The following CUL2 variants were observed in gnomAD, a reference collection of about 807,000 sequenced individuals.
The protein encoded by CUL2 is cullin-2.
Under a neutral mutation model 110.2 loss-of-function variants are expected in CUL2, and 22 were observed. The observed-to-expected ratio is 0.20, with a 90% CI of 0.14 to 0.28. CUL2 has a LOEUF of 0.28. Among genes scored for constraint, CUL2 ranks in the 10% least tolerant of loss-of-function variants. The pLI, the probability that CUL2 is intolerant of heterozygous loss-of-function variation, is 1.00. For synonymous variants in CUL2, 279 were observed against 293.2 expected (o/e 0.95, Z 0.49); for missense variants, 631 against 905.5 (o/e 0.70, Z 3.89).
chr10:35,071,436 G>C (rs2134989034), intron 1 of CUL2, 97 bp from the exon 2 acceptor site: 2 of 1,065,012 alleles, frequency 1.9e-6, no homozygotes, highest in African/African-American at 3.2e-5. Context: ...ACGGAGTCTC[G>C]CTCTGTCGCC....
In CUL2 at chr10:35,031,292, T is replaced by TA. The variant is rs772629706; in HGVS notation, c.1386+7dup. ...CTAGGACAATACCACATTAAAGACT[T>TA]ACATTACCTTTAATTTGTTGATCAT... On this transcript the variant is annotated splice_region_variant and intron_variant, in intron 14 of 20. Coordinates refer to ENST00000374749, the MANE Select transcript of CUL2 (RefSeq NM_003591.4). The surrounding 1 kb of genome is among the most constrained non-coding windows in gnomAD (Gnocchi z 4.4). The TA allele has an allele frequency of 1.3e-6, 2 of 1,543,628 alleles. No homozygotes were observed. The highest frequency in any genetic ancestry group is 4.5e-5 in the East Asian group (2 of 44,376).
intron 4 of CUL2, among the ~76,000 whole-genome samples, chr10:35,058,541 TGATAAGTGTC>T (rs1283868153): frequency 6.6e-6 from 1 of 152,230 alleles, no homozygotes; most frequent in Admixed American, 6.5e-5. Context: ...AGCATCCACC[TGATAAGTGTC>T]GATTCTTAGC....
intron 11 of CUL2, among the ~76,000 whole-genome samples, chr10:35,032,939 A>C (rs1407003844): frequency 2.6e-5 from 4 of 152,346 alleles, no homozygotes; most frequent in Admixed American, 2.6e-4. Context: ...TATCAGATTA[A>C]AAATTCCCCT....
intron 8 of CUL2, 54 bp downstream of exon 8, chr10:35,044,512 A>C: frequency 3.4e-6 from 4 of 1,165,108 alleles, no homozygotes; most frequent in Non-Finnish European, 4.9e-6. Flanking sequence ...ATGTTAAATA[A>C]AACCAGGCCA....
chr10:35,071,155 T>G (rs1033576945), intron 2 of CUL2, 44 bp downstream of exon 2: 63 of 1,580,012 alleles, frequency 4.0e-5, no homozygotes, highest in Non-Finnish European at 5.4e-5. Context: ...TTCAACAAAT[T>G]TATCAATTTT....
At chr10:35,119,609 T>C (rs1259768021) in intron 1 of CUL2, among the ~76,000 whole-genome samples, 4 of 146,716 alleles carry the variant, frequency 2.7e-5, no homozygotes, top group Admixed American at 7.0e-5. Context: ...TATTTATTTA[T>C]AGAGACAGGG....
chr10:35,091,488 T>C (rs2087202265), upstream of CUL2, among the ~76,000 whole-genome samples: 1 of 152,188 alleles, frequency 6.6e-6, no homozygotes, highest in African/African-American at 2.4e-5. Context: ...TGTGACCTTT[T>C]TTTCCTCCCA....
intron 1 of CUL2, among the ~76,000 whole-genome samples, chr10:35,076,331 A>T (rs2086816663): frequency 1.3e-5 from 2 of 152,200 alleles, no homozygotes; most frequent in Non-Finnish European, 2.9e-5. Flanking sequence ...GATTGTCATG[A>T]TAGTTGCACA....
At chr10:35,114,574 G>C (rs1339876725) in intron 1 of CUL2, among the ~76,000 whole-genome samples, 1 of 150,924 alleles carries the variant, frequency 6.6e-6, no homozygotes, top group African/African-American at 2.4e-5. Context: ...GTAGAGACAG[G>C]GTTTCGCTAT....
intron 11 of CUL2, 83 bp from the exon 12 acceptor site, chr10:35,032,577 T>C: frequency 1.9e-6 from 2 of 1,049,498 alleles, no homozygotes; most frequent in Non-Finnish European, 2.8e-6. Context: ...AATCTGTACA[T>C]CCAAAAATTA....
chr10:35,040,642 C>A (rs747375161), intron 8 of CUL2, among the ~76,000 whole-genome samples: 2 of 152,096 alleles, frequency 1.3e-5, no homozygotes, highest in East Asian at 3.9e-4. Context: ...AGACTCAGGT[C>A]GGGCAAGAAG....
At chr10:35,065,657 T>C (rs1033741490) in intron 2 of CUL2, among the ~76,000 whole-genome samples, 2 of 149,420 alleles carry the variant, frequency 1.3e-5, no homozygotes, top group Admixed American at 1.3e-4. Flanking sequence ...AAAAAGAGAT[T>C]GAGACCATCC....
chr10:35,110,766 C>T (rs573728956), intron 1 of CUL2, among the ~76,000 whole-genome samples: 5 of 152,060 alleles, frequency 3.3e-5, no homozygotes, highest in Non-Finnish European at 5.9e-5. Flanking sequence ...ATGCATCCCT[C>T]GTATCCCCCT....
chr10:35,117,839 C>T (rs2087627673), intron 1 of CUL2, among the ~76,000 whole-genome samples: 1 of 152,162 alleles, frequency 6.6e-6, no homozygotes, highest in South Asian at 2.1e-4. Context: ...ATTTTTATAA[C>T]AAGTATGCTC....
chr10:35,059,107 A>C (rs1046653403), intron 4 of CUL2, among the ~76,000 whole-genome samples: 1 of 152,146 alleles, frequency 6.6e-6, no homozygotes, highest in African/African-American at 2.4e-5. Flanking sequence ...GACAGAATCT[A>C]CTCCTAATAA....
In CUL2 at chr10:35,032,512, C is replaced by A. The variant is rs1421094573; in HGVS notation, c.1111-18G>T. The A allele has an allele frequency of 5.7e-6, 9 of 1,568,144 alleles. No homozygotes were observed. Among genetic ancestry groups the A allele is most frequent in the African/African-American group, 1.4e-5 (1 of 72,398 alleles). ...GTAAGGGCCTGAATAAAAAAACACG[C>A]CATAATTAACCACCAGCCATAGGGA... On this transcript the variant is annotated intron_variant, in intron 11 of 20. Transcript: ENST00000374749.
intron 6 of CUL2, among the ~76,000 whole-genome samples, chr10:35,047,389 T>TCACG (rs977758190): frequency 1.3e-5 from 2 of 150,752 alleles, no homozygotes; most frequent in African/African-American, 4.9e-5. Context: ...GGCGGGTGGA[T>TCACG]CACGAGGTCA....
intron 14 of CUL2, among the ~76,000 whole-genome samples, chr10:35,030,840 C>T (rs1443608934): frequency 6.6e-6 from 1 of 151,822 alleles, no homozygotes; most frequent in Non-Finnish European, 1.5e-5. Flanking sequence ...CCAGCCTGGG[C>T]AACATAGTGA....
chr10:35,090,794 C>A (rs930668707), upstream of CUL2, among the ~76,000 whole-genome samples: 13 of 152,222 alleles, frequency 8.5e-5, no homozygotes, highest in African/African-American at 3.1e-4. Context: ...TACCCACCCA[C>A]TACCCGTTAG....
Sources: allele counts gnomAD v4.1 joint callset (sites outside exome capture counted in the v4.1 genomes callset), GRCh38; gene constraint gnomAD v4.1.1; non-coding constraint Gnocchi (gnomAD v3.1); transcripts MANE v1.5; gene names NCBI Gene and HGNC (gene_info 2026-07-23, HGNC 2026-07-21).